PPP4R3B: variants seen among roughly 807,000 people sequenced by gnomAD.
PPP4R3B encodes the protein serine/threonine-protein phosphatase 4 regulatory subunit 3B.
In PPP4R3B, 52 loss-of-function variants were observed where a neutral mutation model predicts 95.4. The observed-to-expected ratio is 0.54, with a 90% CI of 0.44 to 0.69. PPP4R3B has a LOEUF of 0.69. Ranked by LOEUF, PPP4R3B falls within the 30% of genes least tolerant of loss-of-function variation. PPP4R3B has a pLI of 0.00. For synonymous variants in PPP4R3B, 407 were observed against 343.9 expected (o/e 1.18, Z -2.03); for missense variants, 1,003 against 1,005.9 (o/e 1.00, Z 0.04).
In PPP4R3B at chr2:55,570,550, T is replaced by G. The variant is rs556044907; in HGVS notation, c.1766-2187A>C. 3.9e-5 allele frequency among the ~76,000 whole-genome samples: 6 copies of G among 152,342 alleles called. No individual in the cohort carries two copies. The East Asian group carries it at 9.6e-4, about 24-fold the overall frequency. On this transcript the variant is annotated intron_variant, in intron 12 of 16. Coordinates refer to ENST00000616407, the MANE Select transcript of PPP4R3B (RefSeq NM_001122964.3). ...AAGGACTATAATTTCAATCCTTTAT[T>G]TTTATATGTTGATCCTTTAACTTGT...
intron 1 of PPP4R3B, among the ~76,000 whole-genome samples, chr2:55,616,025 C>T (rs988513038): frequency 1.4e-4 from 21 of 151,004 alleles, no homozygotes; most frequent in Non-Finnish European, 2.4e-4. Context: ...TCACCCTATT[C>T]CCATACACCC....
intron 12 of PPP4R3B, 119 bp downstream of exon 12, chr2:55,573,500 T>C (rs376410297): frequency 1.8e-5 from 17 of 932,062 alleles, no homozygotes; most frequent in East Asian, 1.8e-4. Context: ...AACAAAAGAA[T>C]AGGACTTCTC....
rs556324337 is a variant in PPP4R3B, at chr2:55,579,042, C to A, written c.1468+637G>T. On this transcript the variant is annotated intron_variant, in intron 9 of 16. Coordinates refer to ENST00000616407, the MANE Select transcript of PPP4R3B (RefSeq NM_001122964.3). ...TTGCCTCCAAATTAGATACATGCAA[C>A]TATAATTACCTAGAGGGATATACTA... Among the ~76,000 whole-genome samples the A allele has an allele frequency of 7.9e-5, 12 of 152,122 alleles. 1 individual carries two copies. The East Asian group carries it at 1.9e-3, about 24-fold the overall frequency.
rs188289133 is a variant in PPP4R3B at position 55,558,640 on chromosome 2, A to G, written c.2454+135T>C. ...AAATAAAATAAAATAAAATTCTACA[A>G]TCAACATTTTGGTAACAGAAAAATT... On this transcript the variant is annotated intron_variant, in intron 16 of 16. Coordinates refer to ENST00000616407, the MANE Select transcript of PPP4R3B (RefSeq NM_001122964.3). 2.5e-4 allele frequency: 163 copies of G among 643,060 alleles called. 1 individual carries two copies. In the South Asian group the frequency reaches 4.0e-3, roughly 16 times the overall value. 39.8% of individuals were successfully genotyped at this position (643,060 alleles called of 1,614,324 possible). A position where few individuals can be genotyped will look rare whatever the true frequency, so the allele number is the denominator to read the frequency against.
intron 2 of PPP4R3B, chr2:55,615,215 T>C: frequency 2.3e-6 from 1 of 442,008 alleles, no homozygotes; most frequent in Non-Finnish European, 4.0e-6. Flanking sequence ...AGTTAAATAA[T>C]ACTAATAAAT....
At chr2:55,569,378 G>C (rs1333879579) in intron 12 of PPP4R3B, among the ~76,000 whole-genome samples, 1 of 152,122 alleles carries the variant, frequency 6.6e-6, no homozygotes, top group African/African-American at 2.4e-5. Flanking sequence ...TGAAGGGCCT[G>C]ACATTAGTCA....
At chr2:55,601,696 T>C (rs1338643953) in intron 3 of PPP4R3B, among the ~76,000 whole-genome samples, 1 of 152,202 alleles carries the variant, frequency 6.6e-6, no homozygotes. Flanking sequence ...CAACTGTTAA[T>C]GACTACGTGG....
intron 1 of PPP4R3B, among the ~76,000 whole-genome samples, 178 bp downstream of exon 1, chr2:55,616,966 C>T (rs946036663): frequency 1.3e-5 from 2 of 152,068 alleles, no homozygotes; most frequent in East Asian, 3.9e-4. Flanking sequence ...GAGTCTCGGT[C>T]TCCGAGGATA....
chr2:55,617,318 C>CCTCCTCGCTTACCTCGTCCGCG lies in PPP4R3B; in HGVS notation c.-55_-34dup. The CCTCCTCGCTTACCTCGTCCGCG allele has an allele frequency of 6.4e-7, 1 of 1,551,626 alleles. No individual in the cohort carries two copies. The highest frequency in any genetic ancestry group is 1.4e-5 in the African/African-American group (1 of 73,000). Reference sequence around the variant, plus strand: ...GCTGTCTCCACCGCTCTAGCCGCCGCCTCCTCGCTTACCTCGTCCGCGCTC... The same window carrying CCTCCTCGCTTACCTCGTCCGCG: ...GCTGTCTCCACCGCTCTAGCCGCCGCCTCCTCGCTTACCTCGTCCGCGCTCCTCGCTTACCTCGTCCGCGCTC... On this transcript the variant is annotated 5_prime_UTR_variant, in exon 1 of 17. Coordinates refer to ENST00000616407, the MANE Select transcript of PPP4R3B (RefSeq NM_001122964.3).
At chr2:55,555,900 G>A (rs55956821) in intron 16 of PPP4R3B, among the ~76,000 whole-genome samples, 75 of 152,156 alleles carry the variant, frequency 4.9e-4, no homozygotes, top group South Asian at 8.3e-4. Context: ...ATCCACAAAT[G>A]GCTTCTCATT....
intron 16 of PPP4R3B, among the ~76,000 whole-genome samples, chr2:55,550,805 G>A (rs1422473468): frequency 1.3e-5 from 2 of 152,088 alleles, no homozygotes; most frequent in South Asian, 4.1e-4. Flanking sequence ...CTGAAGTACT[G>A]AGGTATCGGG....
intron 11 of PPP4R3B, among the ~76,000 whole-genome samples, chr2:55,576,508 C>T (rs938047917): frequency 1.8e-4 from 28 of 151,808 alleles, no homozygotes; most frequent in Non-Finnish European, 2.9e-4. Context: ...TTTGGGAGGC[C>T]GAGGCGGGTG....
chr2:55,588,043 T>G (rs1690404549), intron 5 of PPP4R3B, among the ~76,000 whole-genome samples: 1 of 152,208 alleles, frequency 6.6e-6, no homozygotes, highest in Admixed American at 6.5e-5. Context: ...CTCATCTCAT[T>G]ATGTTTGAAA....
intron 2 of PPP4R3B, among the ~76,000 whole-genome samples, chr2:55,608,816 T>C (rs1171862857): frequency 6.6e-6 from 1 of 152,152 alleles, no homozygotes; most frequent in Non-Finnish European, 1.5e-5. Flanking sequence ...AGACCTCATC[T>C]CTACTAAACA....
At chr2:55,593,694 C>T (rs1030572563) in intron 4 of PPP4R3B, among the ~76,000 whole-genome samples, 17 of 152,058 alleles carry the variant, frequency 1.1e-4, no homozygotes, top group African/African-American at 3.4e-4. Context: ...TGCTTGAGGC[C>T]AGGTAAGAAC....
At chr2:55,556,571 T>A (rs2103817827) in intron 16 of PPP4R3B, among the ~76,000 whole-genome samples, 1 of 151,406 alleles carries the variant, frequency 6.6e-6, no homozygotes, top group South Asian at 2.1e-4. Context: ...TTTTTTCTAA[T>A]ATAAACTTGC....
chr2:55,578,461 A>G, intron 9 of PPP4R3B, 119 bp from the exon 10 acceptor site: 1 of 1,007,998 alleles, frequency 9.9e-7, no homozygotes, highest in Non-Finnish European at 1.3e-6. Context: ...ATGAACATAA[A>G]AAATGCATTA....
chr2:55,580,311 G>C (rs1033998220), intron 8 of PPP4R3B, among the ~76,000 whole-genome samples: 8 of 152,074 alleles, frequency 5.3e-5, no homozygotes, highest in Admixed American at 3.3e-4. Flanking sequence ...ATGTAAGTCA[G>C]AACAGCAAGC....
rs185331477 is a variant in PPP4R3B, at chr2:55,558,590, G to C, written c.2454+185C>G. On this transcript the variant is annotated intron_variant, in intron 16 of 16. Coordinates refer to ENST00000616407, the MANE Select transcript of PPP4R3B (RefSeq NM_001122964.3). Reference sequence around the variant, plus strand: ...TCCACTGCACTCCAGCCTGGCGACAGAGTGAGACTCTGTCTCAAAAAATAA... The same window carrying C: ...TCCACTGCACTCCAGCCTGGCGACACAGTGAGACTCTGTCTCAAAAAATAA... Among the ~76,000 whole-genome samples, 17 of 152,196 alleles carry C rather than the reference G, an allele frequency of 1.1e-4. No individual in the cohort carries two copies. The East Asian group carries it at 2.9e-3, about 26-fold the overall frequency.
Sources: gnomAD v4.1 joint callset for allele counts (sites outside exome capture counted in the v4.1 genomes callset) on GRCh38, gnomAD v4.1.1 for gene constraint, MANE v1.5 for transcripts, NCBI Gene and HGNC (gene_info 2026-07-23, HGNC 2026-07-21) for gene names.